The following SLC12A8 variants were observed in gnomAD, a reference collection of about 807,000 sequenced individuals.
SLC12A8 encodes solute carrier family 12 member 8.
SLC12A8 carries 69 observed loss-of-function variants against 75.6 expected under a neutral mutation model. The ratio of observed to expected loss-of-function variants is 0.91; its 90% CI spans 0.75 to 1.11. The LOEUF (loss-of-function observed/expected upper bound fraction) is 1.11. Ranked by LOEUF, SLC12A8 falls within the 50% of genes most tolerant of loss-of-function variation. SLC12A8 has a pLI of 0.00. For synonymous variants in SLC12A8, 365 were observed against 372.8 expected (o/e 0.98, Z 0.24); for missense variants, 877 against 896.7 (o/e 0.98, Z 0.28).
chr3:125,087,440 T>C (rs570976872), intron 13 of SLC12A8, among the ~76,000 whole-genome samples: 2 of 152,318 alleles, frequency 1.3e-5, no homozygotes, highest in South Asian at 4.1e-4. Context: ...GATTATGAAG[T>C]TACATCTGGG....
chr3:125,141,973 G>A (rs1293943237), intron 5 of SLC12A8, among the ~76,000 whole-genome samples: 1 of 152,158 alleles, frequency 6.6e-6, no homozygotes, highest in Non-Finnish European at 1.5e-5. Context: ...AAGGGCGTCG[G>A]GGGAAGTGGT....
chr3:125,187,410 G>GA lies in SLC12A8; in HGVS notation c.216_217insT (p.Leu73SerfsTer71). On this transcript the variant is annotated frameshift_variant, in exon 4 of 14. Transcript: ENST00000469902. LOFTEE classifies it high-confidence loss of function. ...ACGAAGGACACCAGGAACATGCCCA[G>GA]GAGCACTCCTGTGTTTCCCTGCAGC... is the stretch of plus-strand genomic sequence containing the variant. 6.2e-7 allele frequency: 1 copy of GA among 1,614,170 alleles called. No homozygotes were observed. The highest frequency in any genetic ancestry group is 8.5e-7 in the Non-Finnish European group (1 of 1,180,018).
At chr3:125,204,893 C>A (rs1003596983) in intron 2 of SLC12A8, among the ~76,000 whole-genome samples, 3 of 152,116 alleles carry the variant, frequency 2.0e-5, no homozygotes, top group African/African-American at 4.8e-5. Context: ...TAAAATCTTG[C>A]TGGCCTAGGA....
chr3:125,210,574 C>A (rs1935317082), intron 2 of SLC12A8, among the ~76,000 whole-genome samples: 1 of 152,192 alleles, frequency 6.6e-6, no homozygotes, highest in Admixed American at 6.5e-5. Flanking sequence ...GTTTCTTGTT[C>A]ATTGTTGATT....
intron 2 of SLC12A8, among the ~76,000 whole-genome samples, chr3:125,202,399 C>A (rs750996183): frequency 6.6e-6 from 1 of 152,154 alleles, no homozygotes; most frequent in East Asian, 1.9e-4. Flanking sequence ...TCAGGCCAGG[C>A]GGCCAGAGTA....
intron 1 of SLC12A8, among the ~76,000 whole-genome samples, chr3:125,212,445 C>T (rs1309671573): frequency 6.6e-6 from 1 of 152,112 alleles, no homozygotes; most frequent in East Asian, 1.9e-4. Flanking sequence ...GGCTCCTCCG[C>T]GGAGCCCCTA....
intron 5 of SLC12A8, among the ~76,000 whole-genome samples, chr3:125,168,916 G>A (rs1457274180): frequency 6.6e-6 from 1 of 152,156 alleles, no homozygotes; most frequent in Non-Finnish European, 1.5e-5. Flanking sequence ...GCCTGGCCTG[G>A]CCCAACTGAT....
intron 5 of SLC12A8, among the ~76,000 whole-genome samples, chr3:125,176,963 T>C (rs1323513581): frequency 1.3e-5 from 2 of 151,882 alleles, no homozygotes; most frequent in Non-Finnish European, 2.9e-5. Flanking sequence ...GACCCAGCCA[T>C]CCCATTACTG....
Position 125,114,756 on chromosome 3 carries a change from T to G in SLC12A8, c.912+4013A>C, listed in dbSNP as rs193091731. On this transcript the variant is annotated intron_variant, in intron 8 of 13. Transcript: ENST00000469902. ...TTAACAATAATACTTTTGGGATATT[T>G]TTCCTTCTTAGATTGCTCTTATTTT... 2.2e-4 allele frequency among the ~76,000 whole-genome samples: 34 copies of G among 152,318 alleles called. 1 individual carries two copies. The East Asian group carries it at 6.4e-3, about 28-fold the overall frequency.
intron 5 of SLC12A8, among the ~76,000 whole-genome samples, chr3:125,166,120 G>T (rs149548251): frequency 6.6e-6 from 1 of 151,908 alleles, no homozygotes; most frequent in Non-Finnish European, 1.5e-5. Flanking sequence ...CCCATGCTGC[G>T]GGGCGCTTTA....
intron 5 of SLC12A8, among the ~76,000 whole-genome samples, chr3:125,158,579 A>C (rs951666852): frequency 1.3e-5 from 2 of 152,180 alleles, no homozygotes; most frequent in Non-Finnish European, 2.9e-5. Context: ...CTCTTTAGAC[A>C]ACTTAAGCTT....
At chr3:125,150,901 A>AT (rs1933904646) in intron 5 of SLC12A8, among the ~76,000 whole-genome samples, 1 of 152,190 alleles carries the variant, frequency 6.6e-6, no homozygotes, top group African/African-American at 2.4e-5. Context: ...AAAAATCATG[A>AT]TAAAAAACTA....
chr3:125,113,316 C>A (rs1164799093), intron 8 of SLC12A8, among the ~76,000 whole-genome samples: 1 of 152,174 alleles, frequency 6.6e-6, no homozygotes, highest in Admixed American at 6.6e-5. Context: ...TGTTCACTTA[C>A]CACTTTAAAA....
intron 4 of SLC12A8, among the ~76,000 whole-genome samples, chr3:125,185,911 G>A (rs145121528): frequency 7.5e-4 from 114 of 152,350 alleles, no homozygotes; most frequent in East Asian, 3.9e-4. Flanking sequence ...GTGCAGTGGC[G>A]TCTCAGGCCG....
intron 5 of SLC12A8, among the ~76,000 whole-genome samples, chr3:125,175,268 C>T (rs1462809336): frequency 6.6e-6 from 1 of 152,044 alleles, no homozygotes. Flanking sequence ...TATATGTCCT[C>T]ATTTTTTAAG....
chr3:125,122,559 G>A (rs1346014103), intron 6 of SLC12A8, among the ~76,000 whole-genome samples: 4 of 152,132 alleles, frequency 2.6e-5, no homozygotes, highest in Admixed American at 6.5e-5. Flanking sequence ...ATATAATACC[G>A]AGGAAAAGAG....
chr3:125,169,137 T>C (rs528060243), intron 5 of SLC12A8, among the ~76,000 whole-genome samples: 21 of 152,354 alleles, frequency 1.4e-4, no homozygotes, highest in Middle Eastern at 3.4e-3. Context: ...TTCTCTATAT[T>C]TGCCTGACTT....
At chr3:125,186,179 A>C (rs1025232811) in intron 4 of SLC12A8, among the ~76,000 whole-genome samples, 3 of 152,160 alleles carry the variant, frequency 2.0e-5, no homozygotes, top group Non-Finnish European at 4.4e-5. Context: ...TTATATACCA[A>C]GTCCCCAGGG....
chr3:125,123,913 T>C (rs1227417929), intron 6 of SLC12A8, among the ~76,000 whole-genome samples: 1 of 152,196 alleles, frequency 6.6e-6, no homozygotes, highest in East Asian at 1.9e-4. Context: ...AGTTAACCCA[T>C]GAAGACCCCT....
Sources: allele counts gnomAD v4.1 joint callset (sites outside exome capture counted in the v4.1 genomes callset), GRCh38; gene constraint gnomAD v4.1.1; transcripts MANE v1.5; gene names NCBI Gene and HGNC (gene_info 2026-07-23, HGNC 2026-07-21).